Variants in LRP6 observed in about 807,000 individuals in gnomAD.
The protein encoded by LRP6 is LDL receptor related protein 6.
In LRP6, 43 loss-of-function variants were observed where a neutral mutation model predicts 184.1. The observed-to-expected ratio is 0.23, with a 90% CI of 0.18 to 0.30. The LOEUF (loss-of-function observed/expected upper bound fraction) is 0.30, where lower values mean the gene tolerates loss of function less well. LRP6 is among the 10% of genes least tolerant of loss of function. The pLI, the probability that LRP6 is intolerant of heterozygous loss-of-function variation, is 1.00. For synonymous variants in LRP6, 719 were observed against 684.9 expected (o/e 1.05, Z -0.78); for missense variants, 1,571 against 2,005.3 (o/e 0.78, Z 4.14).
Position 12,165,002 on chromosome 12 carries a change from A to G in LRP6, c.1762+77T>C, listed in dbSNP as rs762143680. 8.7e-5 allele frequency: 106 copies of G among 1,211,616 alleles called. 1 individual carries two copies. The highest frequency in any genetic ancestry group is 1.4e-4 in the Admixed American group (8 of 58,862). The allele number at this position is 1,211,616 out of a possible 1,614,324, so 75.1% of individuals were successfully genotyped here. A position where few individuals can be genotyped will look rare whatever the true frequency, so the allele number is the denominator to read the frequency against. On this transcript the variant is annotated intron_variant, in intron 8 of 22. Transcript: ENST00000261349. ...GTTTCAAAATTGCCTCAAAACATCA[A>G]TAATTTACACTGCTGACTATCTCCA...
At chr12:12,260,332 T>G (rs1201562019) in intron 1 of LRP6, among the ~76,000 whole-genome samples, 1 of 150,394 alleles carries the variant, frequency 6.6e-6, no homozygotes, top group East Asian at 1.9e-4. Flanking sequence ...GAGCCGAGAT[T>G]ACGCCACTGC....
intron 21 of LRP6, 131 bp downstream of exon 21, chr12:12,125,165 G>T: frequency 1.0e-6 from 1 of 996,744 alleles, no homozygotes; most frequent in South Asian, 1.4e-5. Context: ...TAAGTCCTTT[G>T]AGCCTTTTAT....
intron 15 of LRP6, 47 bp downstream of exon 15, chr12:12,147,319 C>G: frequency 6.3e-7 from 1 of 1,587,196 alleles, no homozygotes; most frequent in Middle Eastern, 1.7e-4. Flanking sequence ...ATAGATGAAT[C>G]ATCTTAAAAA....
intron 15 of LRP6, among the ~76,000 whole-genome samples, chr12:12,143,090 G>GA (rs1373725037): frequency 6.6e-6 from 1 of 151,858 alleles, no homozygotes; most frequent in Non-Finnish European, 1.5e-5. Context: ...GCTAGAAGGA[G>GA]AAAAAAAGAA....
intron 12 of LRP6, among the ~76,000 whole-genome samples, chr12:12,157,622 T>G (rs910408517): frequency 6.6e-6 from 1 of 152,312 alleles, no homozygotes; most frequent in African/African-American, 2.4e-5. Context: ...ACAACTGAAG[T>G]TGGCATCAGA....
At chr12:12,176,213 T>G (rs953553838) in intron 7 of LRP6, among the ~76,000 whole-genome samples, 9 of 151,568 alleles carry the variant, frequency 5.9e-5, no homozygotes, top group African/African-American at 2.2e-4. Flanking sequence ...GGAGGGGGGG[T>G]GGTGGCAGAA....
At chr12:12,193,168 G>T (rs1591932694) in intron 3 of LRP6, among the ~76,000 whole-genome samples, 1 of 151,638 alleles carries the variant, frequency 6.6e-6, no homozygotes, top group African/African-American at 2.4e-5. Context: ...AGTCGAGGAA[G>T]AAATTACAAT....
intron 1 of LRP6, among the ~76,000 whole-genome samples, chr12:12,265,823 C>T (rs1865742537): frequency 6.6e-6 from 1 of 152,176 alleles, no homozygotes; most frequent in Non-Finnish European, 1.5e-5. Flanking sequence ...CAATTCAAAA[C>T]ATCATAGTGC....
At chr12:12,147,758 G>A (rs987741259) in intron 14 of LRP6, among the ~76,000 whole-genome samples, 1 of 152,040 alleles carries the variant, frequency 6.6e-6, no homozygotes, top group African/African-American at 2.4e-5. Flanking sequence ...TATTGCTTAA[G>A]CTTATGAGTG....
intron 12 of LRP6, among the ~76,000 whole-genome samples, 185 bp downstream of exon 12, chr12:12,158,644 C>T (rs1257388637): frequency 5.3e-5 from 8 of 152,174 alleles, no homozygotes; most frequent in Non-Finnish European, 2.9e-5. Flanking sequence ...TTTTCTATAA[C>T]ATCAAATTGC....
intron 15 of LRP6, among the ~76,000 whole-genome samples, chr12:12,146,918 C>T (rs942622641): frequency 6.6e-6 from 1 of 152,184 alleles, no homozygotes; most frequent in African/African-American, 2.4e-5. Flanking sequence ...TTTGGGAGGC[C>T]GAGGCGGGTG....
At chr12:12,217,265 G>A (rs931573312) in intron 2 of LRP6, among the ~76,000 whole-genome samples, 10 of 152,102 alleles carry the variant, frequency 6.6e-5, no homozygotes, top group South Asian at 2.1e-4. Context: ...TGTGAACTGC[G>A]CATTGCAAGG....
chr12:12,184,735 A>C (rs577346862), intron 4 of LRP6, among the ~76,000 whole-genome samples: 31 of 152,336 alleles, frequency 2.0e-4, no homozygotes, highest in African/African-American at 7.5e-4. Flanking sequence ...CTGAAAGCCA[A>C]GAAAAGTAAT....
Position 12,232,004 on chromosome 12 carries a change from AAAAAAC to A in LRP6, c.449+12252_449+12257del, listed in dbSNP as rs71061025. On this transcript the variant is annotated intron_variant, in intron 2 of 22. Coordinates refer to ENST00000261349, the MANE Select transcript of LRP6 (RefSeq NM_002336.3). ...ACGAAGCGAGACCCTGCCTCAAAAA[AAAAAAC>A]AAAAACAAAAACAAAAACAAAACTC... Among the ~76,000 whole-genome samples the A allele has an allele frequency of 8.1e-3, 1,215 of 150,660 alleles. 5 individuals carry two copies. The highest frequency in any genetic ancestry group is 0.018 in the African/African-American group (750 of 41,152).
intron 2 of LRP6, among the ~76,000 whole-genome samples, chr12:12,224,528 T>C (rs919089508): frequency 6.6e-6 from 1 of 152,134 alleles, no homozygotes; most frequent in Non-Finnish European, 1.5e-5. Flanking sequence ...AATGTTAAAT[T>C]TATTTATATA....
chr12:12,226,760 G>A (rs565329785), intron 2 of LRP6: 2 of 152,202 alleles, frequency 1.3e-5, no homozygotes, highest in Non-Finnish European at 2.9e-5. Context: ...GCAAATTCGT[G>A]AAGCGTTAGT....
Position 12,165,057 on chromosome 12 carries a change from A to G in LRP6, c.1762+22T>C, listed in dbSNP as rs1302533471. 4.4e-6 allele frequency: 7 copies of G among 1,578,580 alleles called. No individual in the cohort carries two copies. The South Asian group carries it at 7.7e-5, about 17-fold the overall frequency. Reference sequence around the variant, plus strand: ...TTTTCATTCCTGGTTCCCATTTCTAAGAAAGCTTTGGAGTTACTCACCAAT... The same window carrying G: ...TTTTCATTCCTGGTTCCCATTTCTAGGAAAGCTTTGGAGTTACTCACCAAT... On this transcript the variant is annotated intron_variant, in intron 8 of 22. Transcript: ENST00000261349.
At chr12:12,146,603 G>A (rs1490597574) in intron 15 of LRP6, among the ~76,000 whole-genome samples, 1 of 152,234 alleles carries the variant, frequency 6.6e-6, no homozygotes, top group Non-Finnish European at 1.5e-5. Flanking sequence ...ACGCCACGAT[G>A]AGGTTGTGAA....
intron 15 of LRP6, 200 bp from the exon 16 acceptor site, chr12:12,138,734 A>T: frequency 6.9e-7 from 1 of 1,449,742 alleles, no homozygotes; most frequent in Non-Finnish European, 9.3e-7. Flanking sequence ...TGCAATCAAG[A>T]GCAAGTAAGT....
Sources: allele counts gnomAD v4.1 joint callset (sites outside exome capture counted in the v4.1 genomes callset), GRCh38; gene constraint gnomAD v4.1.1; transcripts MANE v1.5; gene names NCBI Gene and HGNC (gene_info 2026-07-23, HGNC 2026-07-21).